Variants in LHFPL3 observed in about 807,000 individuals in gnomAD.
LHFPL3 encodes the protein LHFPL tetraspan subfamily member 3 protein.
Under a neutral mutation model 19.3 loss-of-function variants are expected in LHFPL3, and 5 were observed. The observed-to-expected ratio is 0.26, with a 90% CI of 0.14 to 0.54. LHFPL3 has a LOEUF of 0.54. Ranked by LOEUF, LHFPL3 falls within the 20% of genes least tolerant of loss-of-function variation. LHFPL3 has a pLI of 0.94. For missense variants in LHFPL3, 249 were observed against 307.4 expected (o/e 0.81, Z 1.42); for synonymous variants, 133 against 126.2 (o/e 1.05, Z -0.36).
chr7:104,525,890 C>G (rs1191559627), intron 1 of LHFPL3, among the ~76,000 whole-genome samples: 8 of 151,966 alleles, frequency 5.3e-5, no homozygotes, highest in Non-Finnish European at 1.0e-4. Flanking sequence ...CAGGGGTGAG[C>G]TACTGTGCCT....
chr7:104,554,498 T>C lies in LHFPL3; in HGVS notation c.446-182177T>C, dbSNP rs545530925. On this transcript the variant is annotated intron_variant, in intron 1 of 2. Coordinates refer to ENST00000424859, the MANE Select transcript of LHFPL3 (RefSeq NM_199000.3). ...TGTGAATTAATAAATTAGCTCGTGT[T>C]ATAGACTAAATGTGTGAGTCCCCCA... Among the ~76,000 whole-genome samples, 269 of 152,252 alleles carry C rather than the reference T, an allele frequency of 1.8e-3. 1 individual carries two copies. Among genetic ancestry groups the C allele is most frequent in the African/African-American group, 6.3e-3 (263 of 41,538 alleles).
chr7:104,475,530 AT>A (rs1792992495), intron 1 of LHFPL3, among the ~76,000 whole-genome samples: 2 of 152,216 alleles, frequency 1.3e-5, no homozygotes, highest in African/African-American at 4.8e-5. Context: ...TTGTGTAACA[AT>A]ATGAATATAC....
intron 1 of LHFPL3, among the ~76,000 whole-genome samples, chr7:104,580,926 C>T (rs796962408): frequency 2.0e-5 from 3 of 152,008 alleles, no homozygotes; most frequent in African/African-American, 7.2e-5. Context: ...TAAATCCATT[C>T]TCCTGTTGAT....
At chr7:104,902,255 G>A (rs1285864126) in intron 2 of LHFPL3, among the ~76,000 whole-genome samples, 1 of 151,314 alleles carries the variant, frequency 6.6e-6, no homozygotes, top group Non-Finnish European at 1.5e-5. Context: ...GGTAACGCGT[G>A]CCTGTGGTCC....
rs1256593106 is a variant in LHFPL3 at position 104,906,274 on chromosome 7, A to T, written c.*59A>T. On this transcript the variant is annotated 3_prime_UTR_variant, in exon 3 of 3. Transcript: ENST00000424859. ...CGAATAACAGCTAAACGAATCGAAT[A>T]ACAGCTTTTGTACATCAACATCAAG... 6 of 1,555,390 alleles carry T rather than the reference A, an allele frequency of 3.9e-6. No individual in the cohort carries two copies. Among genetic ancestry groups the T allele is most frequent in the Non-Finnish European group, 5.3e-6 (6 of 1,139,712 alleles).
chr7:104,745,814 G>T (rs1368448706), intron 2 of LHFPL3, among the ~76,000 whole-genome samples: 1 of 152,164 alleles, frequency 6.6e-6, no homozygotes, highest in African/African-American at 2.4e-5. Flanking sequence ...TTCAAGAATT[G>T]GTCCAGACAG....
chr7:104,333,587 T>C (rs1801609984), intron 1 of LHFPL3, among the ~76,000 whole-genome samples: 1 of 152,238 alleles, frequency 6.6e-6, no homozygotes, highest in East Asian at 1.9e-4. Context: ...CTCCTAGATT[T>C]AGTTCTGCCA....
At chr7:104,609,529 C>A (rs1448982060) in intron 1 of LHFPL3, among the ~76,000 whole-genome samples, 2 of 152,076 alleles carry the variant, frequency 1.3e-5, no homozygotes, top group Non-Finnish European at 2.9e-5. Context: ...CTTAAATGAG[C>A]AAGAGAGGCA....
chr7:104,388,392 A>G (rs960888416), intron 1 of LHFPL3, among the ~76,000 whole-genome samples: 5 of 152,166 alleles, frequency 3.3e-5, no homozygotes, highest in Admixed American at 3.3e-4. Context: ...TGTAAAAGGG[A>G]TCCTCAATAA....
intron 1 of LHFPL3, among the ~76,000 whole-genome samples, chr7:104,492,262 G>A (rs1793373094): frequency 7.1e-6 from 1 of 140,340 alleles, no homozygotes; most frequent in African/African-American, 2.5e-5. Context: ...TTAATGACTA[G>A]TTAACAGGAA....
chr7:104,647,380 A>T (rs995661), intron 1 of LHFPL3, among the ~76,000 whole-genome samples: 59,726 of 152,012 alleles, frequency 0.39, 12,392 homozygotes, highest in East Asian at 0.62. Context: ...TTTCTGACTG[A>T]GAAAAGTATT....
At chr7:104,404,692 G>C (rs2116499930) in intron 1 of LHFPL3, among the ~76,000 whole-genome samples, 1 of 152,278 alleles carries the variant, frequency 6.6e-6, no homozygotes, top group East Asian at 1.9e-4. Context: ...GCCCTTTTAG[G>C]AGGTAGAATA....
intron 1 of LHFPL3, among the ~76,000 whole-genome samples, chr7:104,343,096 A>C (rs1341168561): frequency 6.6e-6 from 1 of 151,984 alleles, no homozygotes; most frequent in African/African-American, 2.4e-5. Context: ...GCTATTCAAG[A>C]AATGGAATGA....
intron 1 of LHFPL3, among the ~76,000 whole-genome samples, chr7:104,657,790 C>A (rs1233226407): frequency 1.3e-5 from 2 of 152,218 alleles, no homozygotes; most frequent in Non-Finnish European, 2.9e-5. Flanking sequence ...GAAGTCATAG[C>A]TTTAAACTCT....
At chr7:104,727,765 G>A (rs1301380454) in intron 1 of LHFPL3, among the ~76,000 whole-genome samples, 1 of 152,148 alleles carries the variant, frequency 6.6e-6, no homozygotes, top group Non-Finnish European at 1.5e-5. Flanking sequence ...AAAACTTGGA[G>A]TCATGTGAGG....
At chr7:104,473,696 G>T (rs184049402) in intron 1 of LHFPL3, among the ~76,000 whole-genome samples, 46 of 149,366 alleles carry the variant, frequency 3.1e-4, no homozygotes, top group African/African-American at 1.2e-3. Flanking sequence ...TCTATCTGAT[G>T]GGGCTGGTGT....
chr7:104,826,461 A>C (rs772445292), intron 2 of LHFPL3: 1 of 163,452 alleles, frequency 6.1e-6, no homozygotes, highest in Admixed American at 6.5e-5. Flanking sequence ...TTCACCTCTG[A>C]TTCTTCCACA....
chr7:104,498,773 T>C (rs1034218870), intron 1 of LHFPL3, among the ~76,000 whole-genome samples: 19 of 152,176 alleles, frequency 1.2e-4, no homozygotes, highest in African/African-American at 2.4e-5. Context: ...CCACAGCGCC[T>C]AGCCAGAAAC....
At chr7:104,351,285 T>G (rs1421360645) in intron 1 of LHFPL3, among the ~76,000 whole-genome samples, 1 of 152,198 alleles carries the variant, frequency 6.6e-6, no homozygotes, top group Admixed American at 6.5e-5. Flanking sequence ...ACCTTGAGTC[T>G]GATGTCACCT....
Sources: gnomAD v4.1 joint callset for allele counts (sites outside exome capture counted in the v4.1 genomes callset) on GRCh38, gnomAD v4.1.1 for gene constraint, MANE v1.5 for transcripts, NCBI Gene and HGNC (gene_info 2026-07-23, HGNC 2026-07-21) for gene names.